Variants in LINGO2 observed in about 807,000 individuals in gnomAD.
LINGO2 encodes leucine rich repeat and Ig domain containing 2, also known as leucine-rich repeat and immunoglobulin-like domain-containing nogo receptor-interacting protein 2.
A neutral mutation model predicts 30.6 loss-of-function variants in LINGO2; 14 were observed. The observed-to-expected ratio is 0.46, with a 90% CI of 0.30 to 0.72. LINGO2 has a LOEUF of 0.72. Ranked by LOEUF, LINGO2 falls within the 30% of genes least tolerant of loss-of-function variation. The pLI is 0.07. For missense variants in LINGO2, 729 were observed against 751.7 expected, an observed-to-expected ratio of 0.97 and a Z score of 0.35; for synonymous variants, 317 against 288.5, an observed-to-expected ratio of 1.10 and a Z score of -1.00.
chr9:29,209,912 G>A, the LINGO2 span, among the ~76,000 whole-genome samples: 1 of 152,008 alleles, frequency 6.6e-6, no homozygotes, highest in Non-Finnish European at 1.5e-5. Context: ...TGGAGAATCA[G>A]TAACTGACAA....
At chr9:29,000,878 A>G in the LINGO2 span, among the ~76,000 whole-genome samples, 1 of 151,986 alleles carries the variant, frequency 6.6e-6, no homozygotes, top group Non-Finnish European at 1.5e-5. Context: ...ATTCTTGGGC[A>G]TGTGTGGACC....
chr9:28,510,973 C>T (rs1300603587), intron 1 of LINGO2, among the ~76,000 whole-genome samples: 1 of 151,902 alleles, frequency 6.6e-6, no homozygotes, highest in Admixed American at 6.6e-5. Flanking sequence ...GTAGGCCAGT[C>T]TCTCTTTTTC....
intron 4 of LINGO2, among the ~76,000 whole-genome samples, chr9:28,099,245 G>A (rs1826338906): frequency 6.6e-6 from 1 of 152,096 alleles, no homozygotes; most frequent in South Asian, 2.1e-4. Context: ...TATCAGTGGA[G>A]CAAAGCATCT....
chr9:29,120,674 G>A, the LINGO2 span, among the ~76,000 whole-genome samples: 1 of 152,120 alleles, frequency 6.6e-6, no homozygotes, highest in Non-Finnish European at 1.5e-5. Flanking sequence ...AAAATACACT[G>A]TAAGGTGGTA....
At chr9:28,491,697 A>G (rs1215443294) in intron 1 of LINGO2, among the ~76,000 whole-genome samples, 1 of 152,208 alleles carries the variant, frequency 6.6e-6, no homozygotes, top group Non-Finnish European at 1.5e-5. Context: ...CTACAAGTGC[A>G]ATATTTCATT....
chr9:28,988,691 G>A, the LINGO2 span, among the ~76,000 whole-genome samples: 16 of 152,260 alleles, frequency 1.1e-4, no homozygotes, highest in East Asian at 3.1e-3. Flanking sequence ...ATCTCAAAAT[G>A]CTAAAGAAAC....
At chr9:28,950,845 A>T in the LINGO2 span, among the ~76,000 whole-genome samples, 1 of 152,124 alleles carries the variant, frequency 6.6e-6, no homozygotes, top group Admixed American at 6.6e-5. Context: ...ATAGATTCAC[A>T]CTATCCCCAT....
intron 4 of LINGO2, among the ~76,000 whole-genome samples, chr9:28,033,114 A>T (rs1823762765): frequency 6.6e-6 from 1 of 152,158 alleles, no homozygotes; most frequent in Non-Finnish European, 1.5e-5. Context: ...TGCTGCTATG[A>T]TCCCTTTACT....
chr9:28,629,105 T>G (rs1466101006), intron 1 of LINGO2, among the ~76,000 whole-genome samples: 1 of 152,114 alleles, frequency 6.6e-6, no homozygotes, highest in African/African-American at 2.4e-5. Context: ...GGCATGAAAC[T>G]GAACTAGTAT....
chr9:28,348,939 C>T (rs1819722311), intron 3 of LINGO2, among the ~76,000 whole-genome samples: 1 of 151,426 alleles, frequency 6.6e-6, no homozygotes, highest in Non-Finnish European at 1.5e-5. Context: ...GCTGAGGGTC[C>T]TGTCTGTTAG....
At chr9:28,311,588 C>G (rs938285734) in intron 3 of LINGO2, among the ~76,000 whole-genome samples, 3 of 152,148 alleles carry the variant, frequency 2.0e-5, no homozygotes, top group Non-Finnish European at 2.9e-5. Context: ...CGATATTTCT[C>G]CCATTTGCTT....
chr9:28,492,349 G>A (rs764321874), intron 1 of LINGO2, among the ~76,000 whole-genome samples: 6 of 152,110 alleles, frequency 3.9e-5, no homozygotes, highest in South Asian at 2.1e-4. Context: ...GCATTAACTC[G>A]TATGCTGAAA....
chr9:27,952,038 A>G (rs889973197), intron 5 of LINGO2, among the ~76,000 whole-genome samples: 3 of 152,094 alleles, frequency 2.0e-5, no homozygotes, highest in Non-Finnish European at 4.4e-5. Flanking sequence ...AGGAAGAGGT[A>G]TAATTTTTGG....
At chr9:28,921,276 T>TA in the LINGO2 span, among the ~76,000 whole-genome samples, 1 of 152,168 alleles carries the variant, frequency 6.6e-6, no homozygotes, top group Non-Finnish European at 1.5e-5. Flanking sequence ...ATTTCACCTG[T>TA]AAATGTAGGC....
At chr9:28,433,804 A>T (rs143015212) in intron 2 of LINGO2, among the ~76,000 whole-genome samples, 5 of 152,092 alleles carry the variant, frequency 3.3e-5, no homozygotes, top group African/African-American at 1.2e-4. Flanking sequence ...ACAAATCATT[A>T]TATGAAAAAG....
At chr9:28,533,403 C>T (rs1346036599) in intron 1 of LINGO2, among the ~76,000 whole-genome samples, 1 of 152,022 alleles carries the variant, frequency 6.6e-6, no homozygotes, top group Non-Finnish European at 1.5e-5. Context: ...ACCTTGTGAT[C>T]CTGTGAGTCA....
intron 1 of LINGO2, among the ~76,000 whole-genome samples, chr9:28,647,790 C>T (rs1003768771): frequency 6.6e-6 from 1 of 151,904 alleles, no homozygotes; most frequent in Non-Finnish European, 1.5e-5. Context: ...GGGATTATAC[C>T]ATACATTAAC....
chr9:28,007,582 CCT>C (rs1822329210), intron 5 of LINGO2, among the ~76,000 whole-genome samples: 1 of 151,950 alleles, frequency 6.6e-6, no homozygotes. Flanking sequence ...TATGGGGAAC[CCT>C]CTGTTAGTCA....
At chr9:29,198,675 G>A in the LINGO2 span, among the ~76,000 whole-genome samples, 1 of 152,096 alleles carries the variant, frequency 6.6e-6, no homozygotes, top group Non-Finnish European at 1.5e-5. Flanking sequence ...GCTGAGCAGA[G>A]TGAATTGTTA....
Sources: gnomAD v4.1 joint callset for allele counts (sites outside exome capture counted in the v4.1 genomes callset) on GRCh38, gnomAD v4.1.1 for gene constraint, MANE v1.5 for transcripts, NCBI Gene and HGNC (gene_info 2026-07-23, HGNC 2026-07-21) for gene names.